RUFY3: variants seen among roughly 807,000 people sequenced by gnomAD.
RUFY3 encodes the protein RUN and FYVE domain containing 3, also known as protein RUFY3.
In RUFY3, 34 loss-of-function variants were observed where a neutral mutation model predicts 84.0. The ratio of observed to expected loss-of-function variants is 0.40; its 90% CI spans 0.31 to 0.54. The LOEUF (loss-of-function observed/expected upper bound fraction) is 0.54. RUFY3 is among the 20% of genes least tolerant of loss of function. RUFY3 has a pLI of 0.39. For synonymous variants in RUFY3, 242 were observed against 252.9 expected, an observed-to-expected ratio of 0.96 and a Z score of 0.41; for missense variants, 507 against 736.8, an observed-to-expected ratio of 0.69 and a Z score of 3.61.
rs1729517956 is a variant in RUFY3 at position 70,784,811 on chromosome 4, A to G, written c.1003A>G (p.Arg335Gly). The G allele has an allele frequency of 1.2e-6, 2 of 1,604,192 alleles. No individual in the cohort carries two copies. Among genetic ancestry groups the G allele is most frequent in the Non-Finnish European group, 1.7e-6 (2 of 1,176,078 alleles). ...ESNRKGPKQDRTAEGQALSEA... is the reference protein window; with the variant it reads ...ESNRKGPKQDGTAEGQALSEA... ...TCTTTTCAAGGGTCCCAAGCAAGACAGAACTGCAGAAGGGCAAGCACTAAG... is the reference window on the plus strand; with the variant it reads ...TCTTTTCAAGGGTCCCAAGCAAGACGGAACTGCAGAAGGGCAAGCACTAAG... The change falls in exon 10 of 18, where the codon AGA (arginine) becomes GGA (glycine). Residue 335 changes from arginine to glycine, a missense_variant. Arg to Gly is a moderately radical substitution (Grantham distance 125). Coordinates refer to ENST00000381006, the MANE Select transcript of RUFY3 (RefSeq NM_001037442.4).
At chr4:70,720,510 A>G (rs1742149243), upstream of RUFY3, among the ~76,000 whole-genome samples, 1 of 150,084 alleles carries the variant, frequency 6.7e-6, no homozygotes, top group African/African-American at 2.4e-5. Flanking sequence ...TAACAATATG[A>G]AAATGCCAGT....
chr4:70,705,398 AGCCGGGTG>A (rs1740173978), intron 1 of RUFY3: 1 of 830,084 alleles, frequency 1.2e-6, no homozygotes, highest in Non-Finnish European at 1.6e-6. Context: ...GGGTGACCCG[AGCCGGGTG>A]GCCGGGAGGC....
intron 1 of RUFY3, among the ~76,000 whole-genome samples, chr4:70,730,176 G>A (rs1031152883): frequency 3.3e-5 from 5 of 151,792 alleles, no homozygotes; most frequent in African/African-American, 1.2e-4. Context: ...ACCTGCCTCG[G>A]CCTCCCAAAG....
At chr4:70,705,450 C>G (rs532195014) in intron 1 of RUFY3, among the ~76,000 whole-genome samples, 1 of 152,268 alleles carries the variant, frequency 6.6e-6, no homozygotes, top group African/African-American at 2.4e-5. Context: ...GGAAGCTGTT[C>G]TCCCGAGGCG....
chr4:70,772,890 A>G (rs1259990427), intron 5 of RUFY3, among the ~76,000 whole-genome samples: 1 of 152,104 alleles, frequency 6.6e-6, no homozygotes, highest in Non-Finnish European at 1.5e-5. Flanking sequence ...CGAACTCCTG[A>G]CCTCAGGTGA....
chr4:70,755,273 G>A (rs1234880739), intron 1 of RUFY3, among the ~76,000 whole-genome samples: 2 of 152,124 alleles, frequency 1.3e-5, no homozygotes, highest in Admixed American at 6.6e-5. Flanking sequence ...GCTTTAATCT[G>A]TTAGATAATA....
intron 1 of RUFY3, among the ~76,000 whole-genome samples, chr4:70,708,301 A>G (rs1249471126): frequency 6.6e-6 from 1 of 151,764 alleles, no homozygotes; most frequent in Non-Finnish European, 1.5e-5. Context: ...CCTCCCAAGT[A>G]GTTGGGATTA....
chr4:70,798,346 G>T (rs1353855438), intron 14 of RUFY3, among the ~76,000 whole-genome samples: 1 of 152,022 alleles, frequency 6.6e-6, no homozygotes, highest in Non-Finnish European at 1.5e-5. Context: ...TCCAGCCTGG[G>T]CAATAGCATG....
intron 1 of RUFY3, among the ~76,000 whole-genome samples, chr4:70,708,780 C>T (rs1035604939): frequency 6.6e-6 from 1 of 152,074 alleles, no homozygotes; most frequent in East Asian, 1.9e-4. Context: ...AACGGTGGCT[C>T]AAGCCTGCAA....
chr4:70,712,157 A>AT lies in RUFY3; in HGVS notation c.358+6872dup, dbSNP rs541282854. Among the ~76,000 whole-genome samples the AT allele has an allele frequency of 2.5e-3, 382 of 151,590 alleles. 1 individual carries two copies. Among genetic ancestry groups the AT allele is most frequent in the Middle Eastern group, 6.8e-3 (2 of 294 alleles). On this transcript the variant is annotated intron_variant, in intron 1 of 11. Transcript: ENST00000417478. The stretch of plus-strand genomic sequence containing the variant: ...CTAAAAGGCTCTTCATTATATAACA[A>AT]TTTTTTTTTGTAGTTCTGAAACCCA...
At chr4:70,712,112 A>C (rs868533790) in intron 1 of RUFY3, among the ~76,000 whole-genome samples, 18 of 152,040 alleles carry the variant, frequency 1.2e-4, no homozygotes, top group Admixed American at 2.0e-4. Context: ...TCTTAGTTTT[A>C]TTCTGGACAC....
intron 1 of RUFY3, among the ~76,000 whole-genome samples, chr4:70,709,727 G>A (rs1006110297): frequency 6.6e-6 from 1 of 152,180 alleles, no homozygotes; most frequent in African/African-American, 2.4e-5. Context: ...GAGTCACCCT[G>A]CTGTTTGCAC....
At chr4:70,795,726 A>G (rs890016480) in intron 14 of RUFY3, among the ~76,000 whole-genome samples, 1 of 152,228 alleles carries the variant, frequency 6.6e-6, no homozygotes, top group African/African-American at 2.4e-5. Context: ...CATGTAGGCC[A>G]TCCCTGAAGA....
chr4:70,798,371 A>AAAAC (rs59678858), intron 14 of RUFY3, among the ~76,000 whole-genome samples: 10,287 of 151,984 alleles, frequency 0.068, 539 homozygotes, highest in East Asian at 0.2. Flanking sequence ...CTTGTCTCAA[A>AAAAC]AAACAAACAA....
intron 2 of RUFY3, 59 bp downstream of exon 2, chr4:70,762,751 A>G: frequency 1.4e-6 from 2 of 1,388,348 alleles, no homozygotes; most frequent in Admixed American, 2.0e-5. Flanking sequence ...AATGCATACT[A>G]TAGAAGAAAG....
intron 17 of RUFY3, among the ~76,000 whole-genome samples, chr4:70,804,806 T>C (rs1732663159): frequency 1.4e-5 from 2 of 147,680 alleles, no homozygotes; most frequent in Non-Finnish European, 3.0e-5. Context: ...TGGCCTGTAA[T>C]CCCAGCTACT....
At chr4:70,705,314 G>T (rs1389935308) in intron 1 of RUFY3, 14 of 1,348,628 alleles carry the variant, frequency 1.0e-5, no homozygotes, top group South Asian at 1.8e-5. Context: ...GGAGGGGCAT[G>T]GGGACGCCCG....
intron 1 of RUFY3, among the ~76,000 whole-genome samples, chr4:70,735,972 G>C (rs1720214631): frequency 6.6e-6 from 1 of 151,842 alleles, no homozygotes; most frequent in South Asian, 2.1e-4. Flanking sequence ...TGGGCAACAA[G>C]AGCAAAACTT....
At chr4:70,736,287 A>G (rs921728425) in intron 1 of RUFY3, among the ~76,000 whole-genome samples, 3 of 152,232 alleles carry the variant, frequency 2.0e-5, no homozygotes, top group African/African-American at 7.2e-5. Context: ...GATACAGAAA[A>G]GTATAAAAAT....
Sources: allele counts gnomAD v4.1 joint callset (sites outside exome capture counted in the v4.1 genomes callset), GRCh38; gene constraint gnomAD v4.1.1; transcripts MANE v1.5; gene names NCBI Gene and HGNC (gene_info 2026-07-23, HGNC 2026-07-21).